Variants in SUMF1 observed in about 807,000 individuals in gnomAD.
SUMF1 encodes the protein formylglycine-generating enzyme.
In SUMF1, 48 loss-of-function variants were observed where a neutral mutation model predicts 47.6. That is an observed-to-expected ratio of 1.01 (90% confidence interval 0.80 to 1.28). The LOEUF (loss-of-function observed/expected upper bound fraction) is 1.28. Among genes scored for constraint, SUMF1 ranks in the 50% most tolerant of loss-of-function variants. The pLI is 0.00. For synonymous variants in SUMF1, 230 were observed against 192.1 expected, an observed-to-expected ratio of 1.20 and a Z score of -1.63; for missense variants, 571 against 485.4, an observed-to-expected ratio of 1.18 and a Z score of -1.66.
At chr3:4,349,598 T>C (rs1189006254) in intron 8 of SUMF1, among the ~76,000 whole-genome samples, 1 of 152,154 alleles carries the variant, frequency 6.6e-6, no homozygotes, top group African/African-American at 2.4e-5. Flanking sequence ...TGCCCATCAA[T>C]GGTAGACTGG....
chr3:4,097,981 G>A (rs191913329), intron 8 of SUMF1, among the ~76,000 whole-genome samples: 1 of 152,114 alleles, frequency 6.6e-6, no homozygotes, highest in Non-Finnish European at 1.5e-5. Context: ...ACTACTCTCA[G>A]AAACAATGGC....
chr3:4,317,305 A>G lies in SUMF1; in HGVS notation c.1014+59025T>C. 2.7e-6 allele frequency: 3 copies of G among 1,109,980 alleles called. No individual in the cohort carries two copies. In the South Asian group the frequency reaches 4.7e-5, roughly 18 times the overall value. The allele number at this position is 1,109,980 out of a possible 1,614,324, so 68.8% of individuals were successfully genotyped here. On this transcript the variant is annotated intron_variant and NMD_transcript_variant, in intron 8 of 12. Transcript: ENST00000448413. Reference sequence around the variant, plus strand: ...AAATTCACAGTCCAAAACCGCAGTTAGTTTTGCACCAACCCAATATCTTCA... The same window carrying G: ...AAATTCACAGTCCAAAACCGCAGTTGGTTTTGCACCAACCCAATATCTTCA...
chr3:4,312,578 G>T (rs35551797), intron 8 of SUMF1, among the ~76,000 whole-genome samples: 21,716 of 151,788 alleles, frequency 0.14, 1,601 homozygotes, highest in Middle Eastern at 0.19. Context: ...GGACATGGTG[G>T]TTCCCACTTG....
chr3:4,181,105 G>A (rs1695086813), intron 8 of SUMF1, among the ~76,000 whole-genome samples: 2 of 152,182 alleles, frequency 1.3e-5, no homozygotes, highest in African/African-American at 4.8e-5. Flanking sequence ...ATAGAGGATA[G>A]TGGAAGAAAA....
intron 8 of SUMF1, among the ~76,000 whole-genome samples, chr3:4,332,101 T>G (rs1202524910): frequency 6.6e-6 from 1 of 150,378 alleles, no homozygotes; most frequent in Non-Finnish European, 1.5e-5. Flanking sequence ...GATAACACAT[T>G]TGATTTAAGC....
intron 3 of SUMF1, among the ~76,000 whole-genome samples, chr3:4,428,958 A>G (rs978928811): frequency 1.3e-5 from 2 of 152,224 alleles, no homozygotes; most frequent in African/African-American, 4.8e-5. Context: ...TCTGAACTTC[A>G]TAACGATCAC....
At chr3:4,301,392 T>A (rs1697961677) in intron 8 of SUMF1, among the ~76,000 whole-genome samples, 3 of 152,128 alleles carry the variant, frequency 2.0e-5, no homozygotes, top group African/African-American at 7.2e-5. Flanking sequence ...AGGTAAACTT[T>A]GAGAGAAAAT....
intron 8 of SUMF1, among the ~76,000 whole-genome samples, chr3:4,138,710 C>T (rs951122886): frequency 1.2e-4 from 19 of 152,072 alleles, no homozygotes; most frequent in African/African-American, 4.1e-4. Flanking sequence ...TTTCAGACTT[C>T]ACTTTATGCA....
rs181317967 is a variant in SUMF1 at position 4,146,643 on chromosome 3, G to A, written c.1015-77898C>T. Among the ~76,000 whole-genome samples, 19 of 151,648 alleles carry A rather than the reference G, an allele frequency of 1.3e-4. No homozygotes were observed. The South Asian group carries it at 2.3e-3, about 18-fold the overall frequency. On this transcript the variant is annotated intron_variant and NMD_transcript_variant, in intron 8 of 12. Transcript: ENST00000448413. ...GTTGGTGTGCTGCACCCAGTAACTCGTCATTTAACATTAGGTATATCTCCT... is the reference window on the plus strand; with the variant it reads ...GTTGGTGTGCTGCACCCAGTAACTCATCATTTAACATTAGGTATATCTCCT...
At chr3:4,243,666 G>C (rs1423008970) in intron 8 of SUMF1, among the ~76,000 whole-genome samples, 1 of 152,148 alleles carries the variant, frequency 6.6e-6, no homozygotes, top group Non-Finnish European at 1.5e-5. Context: ...ATTTGCTGAG[G>C]AGTGTTTTAC....
At position 4,417,142 on chromosome 3, in the gene SUMF1, G is replaced by A. The variant is rs1478570923; in HGVS notation, c.826C>T (p.Gln276Ter). ...TCATTACTCACAGGCGCAGTTCCTT[G>A]GAAGCCATCCTCACCAGTGTTGGTC... ...PVTNTGEDGF[Q>*]GTAPVDAFPP... Residue 276 changes from glutamine to a stop codon, truncating the protein, a stop_gained, in exon 6 of 9, where the codon CAA becomes TAA. Transcript: ENST00000272902. LOFTEE classifies it high-confidence loss of function. 3 of 1,613,856 alleles carry A rather than the reference G, an allele frequency of 1.9e-6. No homozygotes were observed. The highest frequency in any genetic ancestry group is 2.5e-6 in the Non-Finnish European group (3 of 1,179,842).
chr3:4,301,980 C>A (rs567042747), intron 8 of SUMF1, among the ~76,000 whole-genome samples: 1 of 152,226 alleles, frequency 6.6e-6, no homozygotes, highest in East Asian at 1.9e-4. Context: ...CTGAATCACA[C>A]CCACTTTTCA....
intron 8 of SUMF1, among the ~76,000 whole-genome samples, chr3:4,104,759 C>G (rs1693119700): frequency 6.6e-6 from 1 of 151,782 alleles, no homozygotes; most frequent in Non-Finnish European, 1.5e-5. Flanking sequence ...TTCCTTTAAC[C>G]TTTCCAGGCC....
chr3:4,386,060 A>G (rs1204323887), intron 7 of SUMF1, among the ~76,000 whole-genome samples: 2 of 152,188 alleles, frequency 1.3e-5, no homozygotes, highest in Non-Finnish European at 1.5e-5. Flanking sequence ...CAAATTGGGT[A>G]GATTGGTTCC....
chr3:4,354,494 C>A (rs1325788465), intron 8 of SUMF1, among the ~76,000 whole-genome samples: 3 of 152,190 alleles, frequency 2.0e-5, no homozygotes, highest in African/African-American at 7.2e-5. Flanking sequence ...CAGAGTTTCA[C>A]AATATAGGTA....
At chr3:4,402,765 G>A (rs751874779) in intron 7 of SUMF1, among the ~76,000 whole-genome samples, 4 of 152,142 alleles carry the variant, frequency 2.6e-5, no homozygotes, top group African/African-American at 4.8e-5. Context: ...GTTGAGATAG[G>A]CATTGCATGA....
intron 8 of SUMF1, among the ~76,000 whole-genome samples, chr3:4,334,068 C>G (rs1248343447): frequency 6.6e-6 from 1 of 151,484 alleles, no homozygotes; most frequent in Non-Finnish European, 1.5e-5. Flanking sequence ...AGCATGGCTA[C>G]AGTGAGCCCT....
Position 4,108,284 on chromosome 3 carries a change from T to A in SUMF1, c.1015-39539A>T, listed in dbSNP as rs112262271. Among the ~76,000 whole-genome samples, 621 of 152,268 alleles carry A rather than the reference T, an allele frequency of 4.1e-3. 8 individuals carry two copies. The highest frequency in any genetic ancestry group is 0.014 in the African/African-American group (587 of 41,512). ...GTTCTAGTTTGACTGAGCTGTGGTCTGAGAGAAAGTTTGTAATTTCTGTTC... is the reference window on the plus strand; with the variant it reads ...GTTCTAGTTTGACTGAGCTGTGGTCAGAGAGAAAGTTTGTAATTTCTGTTC... On this transcript the variant is annotated intron_variant and NMD_transcript_variant, in intron 8 of 12. Coordinates refer to the SUMF1 transcript ENST00000448413.
chr3:4,078,639 T>C (rs1365272695), intron 8 of SUMF1, among the ~76,000 whole-genome samples: 1 of 151,898 alleles, frequency 6.6e-6, no homozygotes, highest in Non-Finnish European at 1.5e-5. Flanking sequence ...CCACCTATAA[T>C]CCCAGCACTT....
Sources: allele counts gnomAD v4.1 joint callset (sites outside exome capture counted in the v4.1 genomes callset), GRCh38; gene constraint gnomAD v4.1.1; transcripts MANE v1.5; gene names NCBI Gene and HGNC (gene_info 2026-07-23, HGNC 2026-07-21).